The following PTPRD variants were observed in gnomAD, a reference collection of about 807,000 sequenced individuals.
PTPRD encodes the protein protein tyrosine phosphatase receptor type D.
PTPRD carries 34 observed loss-of-function variants against 214.5 expected under a neutral mutation model. The observed-to-expected ratio is 0.16, with a 90% confidence interval of 0.12 to 0.21. PTPRD has a LOEUF of 0.21. Among genes scored for constraint, PTPRD ranks in the 10% least tolerant of loss-of-function variants. The pLI is 1.00. For synonymous variants in PTPRD, 1,128 were observed against 845.7 expected (o/e 1.33, Z -5.79); for missense variants, 2,545 against 2,398.7 (o/e 1.06, Z -1.27).
In PTPRD at chr9:9,949,692, AAACT is replaced by A. The variant is rs199902604; in HGVS notation, c.-471-11086_-471-11083del. Among the ~76,000 whole-genome samples the A allele has an allele frequency of 7.6e-4, 115 of 152,078 alleles. 1 individual carries two copies. The highest frequency in any genetic ancestry group is 2.5e-3 in the African/African-American group (102 of 41,414). On this transcript the variant is annotated intron_variant, in intron 4 of 45. Coordinates refer to ENST00000381196, the MANE Select transcript of PTPRD (RefSeq NM_002839.4). ...AACTCTGGCAAAGAAACAAACAAAC[AAACT>A]AACAACAACAACAAAAAAAATGCTT...
At chr9:10,491,818 C>T (rs2040365306) in intron 2 of PTPRD, among the ~76,000 whole-genome samples, 1 of 151,828 alleles carries the variant, frequency 6.6e-6, no homozygotes, top group South Asian at 2.1e-4. Context: ...CACTCATCAA[C>T]CCATCATCTA....
At chr9:9,628,741 T>C (rs1223356473) in intron 7 of PTPRD, among the ~76,000 whole-genome samples, 3 of 152,110 alleles carry the variant, frequency 2.0e-5, no homozygotes, top group African/African-American at 7.2e-5. Flanking sequence ...CTTCTCAGGT[T>C]TTTCCATGAT....
chr9:9,930,102 C>T (rs2153913313), intron 5 of PTPRD, among the ~76,000 whole-genome samples: 1 of 152,150 alleles, frequency 6.6e-6, no homozygotes, highest in East Asian at 1.9e-4. Flanking sequence ...CTACTTAGGG[C>T]TGGGAGCTCC....
intron 11 of PTPRD, among the ~76,000 whole-genome samples, chr9:8,816,775 C>A (rs1159852255): frequency 6.6e-6 from 1 of 152,162 alleles, no homozygotes; most frequent in Non-Finnish European, 1.5e-5. Context: ...TAAACAAAAG[C>A]CTCTTGAAGT....
intron 11 of PTPRD, among the ~76,000 whole-genome samples, chr9:8,894,580 C>A (rs1178240642): frequency 6.6e-6 from 1 of 151,916 alleles, no homozygotes; most frequent in African/African-American, 2.4e-5. Context: ...CTTGTAATGT[C>A]CTATATTTTT....
At chr9:9,557,840 T>C (rs879853388) in intron 8 of PTPRD, among the ~76,000 whole-genome samples, 2 of 152,292 alleles carry the variant, frequency 1.3e-5, no homozygotes, top group African/African-American at 4.8e-5. Flanking sequence ...AGTGGGTGGA[T>C]GGGCAGAAAG....
At chr9:10,471,066 G>A (rs1430171690) in intron 2 of PTPRD, among the ~76,000 whole-genome samples, 6 of 152,014 alleles carry the variant, frequency 3.9e-5, no homozygotes, top group Admixed American at 1.3e-4. Context: ...AACACCACAC[G>A]TTCTCACTTA....
chr9:9,943,601 G>C (rs532778327), intron 4 of PTPRD, among the ~76,000 whole-genome samples: 7 of 152,038 alleles, frequency 4.6e-5, no homozygotes, highest in African/African-American at 1.7e-4. Flanking sequence ...GAAGATATTA[G>C]AAGCTGTGGG....
chr9:10,272,402 T>C (rs914054094), intron 3 of PTPRD, among the ~76,000 whole-genome samples: 1 of 152,236 alleles, frequency 6.6e-6, no homozygotes, highest in African/African-American at 2.4e-5. Flanking sequence ...AGAGTGCATC[T>C]GTGAACATTT....
chr9:8,517,064 CA>C (rs1263611742), intron 21 of PTPRD, among the ~76,000 whole-genome samples: 4 of 152,102 alleles, frequency 2.6e-5, no homozygotes, highest in African/African-American at 9.6e-5. Flanking sequence ...ACCTACCTCC[CA>C]AAAGTGTTGG....
intron 9 of PTPRD, among the ~76,000 whole-genome samples, chr9:9,306,422 G>C (rs1380177096): frequency 1.3e-5 from 2 of 151,486 alleles, no homozygotes; most frequent in Non-Finnish European, 2.9e-5. Context: ...AACTAGCTGG[G>C]TGGGGTGTGG....
intron 4 of PTPRD, among the ~76,000 whole-genome samples, chr9:9,947,636 T>A (rs867737479): frequency 2.8e-5 from 2 of 70,246 alleles, no homozygotes; most frequent in South Asian, 3.8e-4. Flanking sequence ...AATATATATT[T>A]TATATATATA....
intron 5 of PTPRD, among the ~76,000 whole-genome samples, chr9:9,890,901 A>T (rs1411764379): frequency 6.6e-6 from 1 of 152,172 alleles, no homozygotes; most frequent in East Asian, 1.9e-4. Flanking sequence ...TTGATTTTGC[A>T]TAAGACCATC....
chr9:9,660,054 T>A (rs1403102022), intron 7 of PTPRD, among the ~76,000 whole-genome samples: 1 of 152,104 alleles, frequency 6.6e-6, no homozygotes, highest in African/African-American at 2.4e-5. Context: ...CATACTTTAT[T>A]TAAATTAACA....
chr9:9,740,696 G>A (rs1278945411), intron 6 of PTPRD, among the ~76,000 whole-genome samples: 1 of 151,966 alleles, frequency 6.6e-6, no homozygotes, highest in Non-Finnish European at 1.5e-5. Flanking sequence ...AGTAGGTTTT[G>A]TTTGAAATTA....
chr9:8,717,709 TG>T (rs2098451984), intron 12 of PTPRD, among the ~76,000 whole-genome samples: 1 of 152,246 alleles, frequency 6.6e-6, no homozygotes, highest in South Asian at 2.1e-4. Flanking sequence ...TTAGTTGGTG[TG>T]GGGCCTACAT....
chr9:8,757,978 C>A (rs2094139878), intron 11 of PTPRD, among the ~76,000 whole-genome samples: 1 of 152,104 alleles, frequency 6.6e-6, no homozygotes, highest in East Asian at 1.9e-4. Flanking sequence ...ATGGGTGTTA[C>A]ATTCTCCACT....
chr9:10,284,975 G>A (rs574032742), intron 3 of PTPRD, among the ~76,000 whole-genome samples: 1 of 152,212 alleles, frequency 6.6e-6, no homozygotes, highest in South Asian at 2.1e-4. Context: ...CTTCATTTTG[G>A]ACACTATTCC....
intron 7 of PTPRD, among the ~76,000 whole-genome samples, chr9:9,700,048 A>T (rs1430686167): frequency 6.6e-6 from 1 of 152,186 alleles, no homozygotes; most frequent in Non-Finnish European, 1.5e-5. Context: ...TGACATTCAG[A>T]ATGTGAAATT....
Sources: allele counts gnomAD v4.1 joint callset (sites outside exome capture counted in the v4.1 genomes callset), GRCh38; gene constraint gnomAD v4.1.1; transcripts MANE v1.5; gene names NCBI Gene and HGNC (gene_info 2026-07-23, HGNC 2026-07-21).